NFIA: variants seen among roughly 807,000 people sequenced by gnomAD.
The protein encoded by NFIA is nuclear factor I A, also known as nuclear factor 1 A-type.
Under a neutral mutation model 62.8 loss-of-function variants are expected in NFIA, and 8 were observed. The observed-to-expected ratio is 0.13, with a 90% confidence interval of 0.07 to 0.23. The LOEUF (loss-of-function observed/expected upper bound fraction) is 0.23. NFIA is among the 10% of genes least tolerant of loss of function. NFIA has a pLI of 1.00. For missense variants in NFIA, 410 were observed against 642.1 expected (o/e 0.64, Z 3.91); for synonymous variants, 235 against 238.1 (o/e 0.99, Z 0.12).
intron 2 of NFIA, among the ~76,000 whole-genome samples, chr1:61,205,608 C>T (rs894629129): frequency 2.0e-5 from 3 of 152,112 alleles, no homozygotes; most frequent in African/African-American, 7.2e-5. Context: ...ATATAAATAA[C>T]TTCCACATCC....
rs866197236 is a variant in NFIA at position 61,384,799 on chromosome 1, T to C, written c.1075+1434T>C. 9.9e-5 allele frequency among the ~76,000 whole-genome samples: 15 copies of C among 152,116 alleles called. 1 individual carries two copies. The highest frequency in any genetic ancestry group is 9.2e-4 in the Admixed American group (14 of 15,260). On this transcript the variant is annotated intron_variant, in intron 7 of 10. Coordinates refer to ENST00000403491, the MANE Select transcript of NFIA (RefSeq NM_001134673.4). ...TAAAAGTTCCTGCAGGAGCTCAGTA[T>C]TGGGGGGACCGTGGAGGTTCATTCA...
chr1:61,389,039 AG>A (rs1664839131), intron 7 of NFIA, among the ~76,000 whole-genome samples: 2 of 152,126 alleles, frequency 1.3e-5, no homozygotes, highest in African/African-American at 4.8e-5. Flanking sequence ...GCTTGAGCCC[AG>A]GAATTTGAGG....
chr1:61,451,071 C>G (rs796442953), intron 10 of NFIA, among the ~76,000 whole-genome samples: 8 of 152,270 alleles, frequency 5.3e-5, no homozygotes, highest in African/African-American at 1.9e-4. Context: ...TCTGATTGCT[C>G]TCTGTGAGGC....
chr1:61,275,883 T>C (rs938512025), intron 2 of NFIA, among the ~76,000 whole-genome samples: 30 of 152,230 alleles, frequency 2.0e-4, no homozygotes, highest in African/African-American at 7.0e-4. Context: ...GTGATATATA[T>C]AATATTAATT....
chr1:61,191,634 G>A (rs1036174103), intron 2 of NFIA, among the ~76,000 whole-genome samples: 2 of 152,242 alleles, frequency 1.3e-5, no homozygotes, highest in African/African-American at 2.4e-5. Context: ...TTGTTGTGAT[G>A]TGCCTCTTTC....
chr1:61,293,584 G>C (rs1659019593), intron 3 of NFIA, among the ~76,000 whole-genome samples: 4 of 152,222 alleles, frequency 2.6e-5, no homozygotes, highest in Admixed American at 2.6e-4. Context: ...CCATAAATGA[G>C]AGATGGAGAT....
intron 3 of NFIA, among the ~76,000 whole-genome samples, chr1:61,279,565 A>G (rs1239466183): frequency 6.6e-6 from 1 of 152,028 alleles, no homozygotes; most frequent in Non-Finnish European, 1.5e-5. Context: ...TTTTTTCTAC[A>G]TATTGTATTT....
rs1668372484 is a variant in NFIA at position 61,457,823 on chromosome 1, C to T, written c.*2503C>T. On this transcript the variant is annotated 3_prime_UTR_variant, in exon 11 of 11. Transcript: ENST00000403491. The surrounding 1 kb of genome is among the most constrained non-coding windows in gnomAD (Gnocchi z 4.2). ...TTTGTTTTTACAACTGTTCCTTTCA[C>T]AAGCAAGCCTTAAAAAAAAAAAAGA... 1 of 148,544 alleles carries T rather than the reference C, an allele frequency of 6.7e-6. No homozygotes were observed. The highest frequency in any genetic ancestry group is 1.5e-5 in the Non-Finnish European group (1 of 67,842). 9.2% of individuals were successfully genotyped at this position (148,544 alleles called of 1,614,324 possible). A position where few individuals can be genotyped will look rare whatever the true frequency, so the allele number is the denominator to read the frequency against.
chr1:61,412,915 G>A (rs1270137882), intron 9 of NFIA, among the ~76,000 whole-genome samples: 2 of 151,894 alleles, frequency 1.3e-5, no homozygotes, highest in African/African-American at 4.8e-5. Context: ...TTTTTATATT[G>A]TAGATTGGAA....
At chr1:61,295,757 T>TA (rs1659157786) in intron 3 of NFIA, among the ~76,000 whole-genome samples, 1 of 152,236 alleles carries the variant, frequency 6.6e-6, no homozygotes, top group Non-Finnish European at 1.5e-5. Context: ...GATTTAATGA[T>TA]ATGATGTATC....
chr1:61,200,352 A>G (rs1159531654), intron 2 of NFIA, among the ~76,000 whole-genome samples: 1 of 151,950 alleles, frequency 6.6e-6, no homozygotes, highest in Non-Finnish European at 1.5e-5. Flanking sequence ...CTCCTGGACT[A>G]TTGAAAGTAC....
At chr1:61,172,366 A>T (rs1325945362) in intron 2 of NFIA, among the ~76,000 whole-genome samples, 1 of 152,208 alleles carries the variant, frequency 6.6e-6, no homozygotes, top group Non-Finnish European at 1.5e-5. Context: ...TGTATTTTTT[A>T]AAATACAAAT....
At chr1:61,454,447 A>C (rs1668210922) in intron 10 of NFIA, among the ~76,000 whole-genome samples, 1 of 152,200 alleles carries the variant, frequency 6.6e-6, no homozygotes, top group Non-Finnish European at 1.5e-5. Flanking sequence ...GTAACCAGTA[A>C]CTGGGCCTGG....
chr1:61,305,921 C>T (rs935358223), intron 3 of NFIA, among the ~76,000 whole-genome samples: 1 of 150,168 alleles, frequency 6.7e-6, no homozygotes, highest in Non-Finnish European at 1.5e-5. Context: ...GATCTTGGCT[C>T]AGTACAAGCT....
intron 2 of NFIA, among the ~76,000 whole-genome samples, chr1:61,267,676 A>G (rs1657258544): frequency 6.6e-6 from 1 of 152,176 alleles, no homozygotes; most frequent in Admixed American, 6.5e-5. Flanking sequence ...GCTGCTGTAA[A>G]TTGTTCCAAG....
intron 7 of NFIA, among the ~76,000 whole-genome samples, chr1:61,387,777 TG>T (rs780207582): frequency 1.3e-5 from 2 of 152,220 alleles, no homozygotes; most frequent in Non-Finnish European, 2.9e-5. Context: ...TGCATATAAA[TG>T]CACACAGGAG....
intron 9 of NFIA, among the ~76,000 whole-genome samples, chr1:61,408,694 G>C (rs1665962676): frequency 6.6e-6 from 1 of 152,190 alleles, no homozygotes; most frequent in Non-Finnish European, 1.5e-5. Flanking sequence ...CAGAAGAGTG[G>C]AAATAGTAAT....
chr1:61,243,293 G>A (rs1201511839), intron 2 of NFIA, among the ~76,000 whole-genome samples: 1 of 152,156 alleles, frequency 6.6e-6, no homozygotes, highest in Non-Finnish European at 1.5e-5. Flanking sequence ...TATGCAAGGT[G>A]TGTAGCAGAT....
At chr1:61,323,456 CAG>C (rs981070391) in intron 3 of NFIA, among the ~76,000 whole-genome samples, 2 of 152,168 alleles carry the variant, frequency 1.3e-5, no homozygotes, top group African/African-American at 4.8e-5. Flanking sequence ...ATCTCACAAA[CAG>C]AATATATATG....
Sources: gnomAD v4.1 joint callset for allele counts (sites outside exome capture counted in the v4.1 genomes callset) on GRCh38, gnomAD v4.1.1 for gene constraint, Gnocchi (gnomAD v3.1) non-coding constraint, MANE v1.5 for transcripts, NCBI Gene and HGNC (gene_info 2026-07-23, HGNC 2026-07-21) for gene names.